The following LRRC4C variants were observed in gnomAD, a reference collection of about 807,000 sequenced individuals.
LRRC4C encodes leucine rich repeat containing 4C.
LRRC4C carries 5 observed loss-of-function variants against 33.6 expected under a neutral mutation model. That is an observed-to-expected ratio of 0.15 (90% CI 0.08 to 0.31). The LOEUF is 0.31. Among genes scored for constraint, LRRC4C ranks in the 10% least tolerant of loss-of-function variants. The pLI, the probability that LRRC4C is intolerant of heterozygous loss-of-function variation, is 1.00. For missense variants in LRRC4C, 560 were observed against 796.7 expected (o/e 0.70, Z 3.58); for synonymous variants, 329 against 302.0 (o/e 1.09, Z -0.93).
intron 3 of LRRC4C, among the ~76,000 whole-genome samples, chr11:40,454,548 A>T (rs1952044922): frequency 6.6e-6 from 1 of 152,146 alleles, no homozygotes; most frequent in African/African-American, 2.4e-5. Flanking sequence ...GTCGGAAGGA[A>T]ACTTGTGCGA....
intron 1 of LRRC4C, among the ~76,000 whole-genome samples, chr11:41,360,676 G>A (rs1238192736): frequency 6.6e-6 from 1 of 152,138 alleles, no homozygotes; most frequent in East Asian, 1.9e-4. Flanking sequence ...AAAACAGCAT[G>A]TGCAAAGAAC....
chr11:41,049,786 G>T (rs2138103286), intron 1 of LRRC4C, among the ~76,000 whole-genome samples: 1 of 152,288 alleles, frequency 6.6e-6, no homozygotes, highest in Non-Finnish European at 1.5e-5. Context: ...ATGATTGGGG[G>T]ATCCAGTGAT....
chr11:40,484,577 T>C (rs762756091), intron 3 of LRRC4C, among the ~76,000 whole-genome samples: 4 of 152,020 alleles, frequency 2.6e-5, no homozygotes, highest in Admixed American at 6.6e-5. Context: ...GGAGTTGAAA[T>C]AGTAAAAACT....
chr11:40,881,160 T>C (rs951530450), intron 2 of LRRC4C, among the ~76,000 whole-genome samples: 1 of 152,094 alleles, frequency 6.6e-6, no homozygotes, highest in African/African-American at 2.4e-5. Flanking sequence ...GTAAATATTA[T>C]GGCATATGGT....
chr11:40,728,277 C>T (rs1228813895), intron 2 of LRRC4C, among the ~76,000 whole-genome samples: 1 of 151,874 alleles, frequency 6.6e-6, no homozygotes, highest in African/African-American at 2.4e-5. Context: ...CCATTTGACC[C>T]AGAAACCCCA....
chr11:41,401,878 A>G (rs1954038678), intron 1 of LRRC4C, among the ~76,000 whole-genome samples: 2 of 151,962 alleles, frequency 1.3e-5, no homozygotes, highest in South Asian at 4.1e-4. Context: ...ATTTTTCTCT[A>G]AAGGAATGCC....
chr11:40,283,266 G>A (rs1943602438), intron 4 of LRRC4C, among the ~76,000 whole-genome samples: 1 of 152,070 alleles, frequency 6.6e-6, no homozygotes, highest in Non-Finnish European at 1.5e-5. Context: ...ATTTCAAAAA[G>A]CCAACTAGAT....
At chr11:40,972,500 G>A (rs893965176) in intron 1 of LRRC4C, among the ~76,000 whole-genome samples, 1 of 152,108 alleles carries the variant, frequency 6.6e-6, no homozygotes, top group Non-Finnish European at 1.5e-5. Flanking sequence ...GATATGGCTA[G>A]TGTATTAGTT....
intron 2 of LRRC4C, among the ~76,000 whole-genome samples, chr11:40,754,221 T>C (rs1948832727): frequency 6.6e-6 from 1 of 152,146 alleles, no homozygotes; most frequent in African/African-American, 2.4e-5. Flanking sequence ...AAGGACATGC[T>C]GGCTATCCTG....
At position 41,226,741 on chromosome 11, in the gene LRRC4C, T is replaced by TACACACACACACACAC. The variant is rs59285418; in HGVS notation, c.-496+232674_-496+232689dup. Among the ~76,000 whole-genome samples the TACACACACACACACAC allele has an allele frequency of 8.6e-3, 1,180 of 137,070 alleles. 8 individuals carry two copies. The highest frequency in any genetic ancestry group is 0.027 in the Middle Eastern group (7 of 258). The allele number at this position is 137,070 out of a possible 152,430, so 89.9% of individuals were successfully genotyped here. A position where few individuals can be genotyped will look rare whatever the true frequency, so the allele number is the denominator to read the frequency against. On this transcript the variant is annotated intron_variant, in intron 1 of 6. Coordinates refer to ENST00000528697, the MANE Select transcript of LRRC4C (RefSeq NM_001258419.2). ...GTTCACATGCTAAAATCCTTACCAT[T>TACACACACACACACAC]ACACACACACACACACACACACACA... is the stretch of plus-strand genomic sequence containing the variant.
intron 1 of LRRC4C, among the ~76,000 whole-genome samples, chr11:41,205,887 A>C (rs938283252): frequency 2.0e-5 from 3 of 152,178 alleles, no homozygotes; most frequent in African/African-American, 4.8e-5. Context: ...GGCAGAATTT[A>C]AACCAAGCAA....
chr11:40,253,695 A>G (rs1033436649), intron 4 of LRRC4C, among the ~76,000 whole-genome samples: 1 of 152,176 alleles, frequency 6.6e-6, no homozygotes, highest in African/African-American at 2.4e-5. Flanking sequence ...CTGCAGCCCA[A>G]TGCTACAGAT....
At chr11:40,988,275 G>A (rs554159704) in intron 1 of LRRC4C, among the ~76,000 whole-genome samples, 1 of 152,202 alleles carries the variant, frequency 6.6e-6, no homozygotes, top group South Asian at 2.1e-4. Flanking sequence ...AATGAACTTG[G>A]TACTTTGGCT....
chr11:40,811,732 G>A (rs1951499218), intron 2 of LRRC4C, among the ~76,000 whole-genome samples: 1 of 152,138 alleles, frequency 6.6e-6, no homozygotes. Flanking sequence ...CTGAGCTCAA[G>A]CAATATGCCT....
chr11:41,205,858 T>G (rs1161011071), intron 1 of LRRC4C, among the ~76,000 whole-genome samples: 1 of 152,148 alleles, frequency 6.6e-6, no homozygotes, highest in Non-Finnish European at 1.5e-5. Flanking sequence ...AATTAAACTA[T>G]TTAATAGTAA....
intron 3 of LRRC4C, among the ~76,000 whole-genome samples, chr11:40,505,429 A>C (rs1260817989): frequency 6.6e-6 from 1 of 152,172 alleles, no homozygotes; most frequent in Non-Finnish European, 1.5e-5. Context: ...TTACTTTTCC[A>C]GACAATGTCA....
intron 1 of LRRC4C, among the ~76,000 whole-genome samples, chr11:41,379,693 T>C (rs1384712177): frequency 1.3e-5 from 2 of 152,214 alleles, no homozygotes; most frequent in African/African-American, 4.8e-5. Context: ...TTTGGATTTG[T>C]TTCTTGATGT....
At chr11:41,406,941 TA>T (rs1352924483) in intron 1 of LRRC4C, among the ~76,000 whole-genome samples, 3 of 151,996 alleles carry the variant, frequency 2.0e-5, no homozygotes, top group South Asian at 2.1e-4. Context: ...TGGTGGCATG[TA>T]AAAAAAATTG....
At chr11:40,477,126 A>C (rs552218581) in intron 3 of LRRC4C, among the ~76,000 whole-genome samples, 2 of 152,224 alleles carry the variant, frequency 1.3e-5, no homozygotes, top group Admixed American at 1.3e-4. Flanking sequence ...CACTTGTGCC[A>C]TTAAATTTGG....
Sources: gnomAD v4.1 joint callset for allele counts (sites outside exome capture counted in the v4.1 genomes callset) on GRCh38, gnomAD v4.1.1 for gene constraint, MANE v1.5 for transcripts, NCBI Gene and HGNC (gene_info 2026-07-23, HGNC 2026-07-21) for gene names.